The following FHIT variants were observed in gnomAD, a reference collection of about 807,000 sequenced individuals.
FHIT encodes the protein bis(5'-adenosyl)-triphosphatase.
FHIT carries 19 observed loss-of-function variants against 17.9 expected under a neutral mutation model. The observed-to-expected ratio is 1.06, with a 90% CI of 0.74 to 1.56. FHIT has a LOEUF of 1.56. FHIT is among the 40% of genes most tolerant of loss of function. FHIT has a pLI of 0.00. For missense variants in FHIT, 248 were observed against 189.2 expected (o/e 1.31, Z -1.82); for synonymous variants, 81 against 69.7 (o/e 1.16, Z -0.81).
chr3:60,976,277 T>A (rs1710248723), intron 3 of FHIT, among the ~76,000 whole-genome samples: 1 of 151,878 alleles, frequency 6.6e-6, no homozygotes. Context: ...TGGCTAATTT[T>A]TGTATTTTTA....
chr3:61,182,280 C>T (rs940175655), intron 2 of FHIT, among the ~76,000 whole-genome samples: 1 of 152,082 alleles, frequency 6.6e-6, no homozygotes, highest in African/African-American at 2.4e-5. Context: ...CCTACATAAC[C>T]AGATAAAATG....
chr3:60,763,760 T>C (rs1236375733), intron 4 of FHIT, among the ~76,000 whole-genome samples: 1 of 152,216 alleles, frequency 6.6e-6, no homozygotes, highest in Non-Finnish European at 1.5e-5. Flanking sequence ...TCAAGACTCA[T>C]ATTACAAGGC....
intron 5 of FHIT, among the ~76,000 whole-genome samples, chr3:60,410,073 C>A (rs1031858718): frequency 6.6e-6 from 1 of 152,018 alleles, no homozygotes; most frequent in African/African-American, 2.4e-5. Flanking sequence ...CAGGATAATT[C>A]AGAATACTAA....
intron 2 of FHIT, among the ~76,000 whole-genome samples, chr3:61,190,078 A>C (rs987688562): frequency 2.6e-5 from 4 of 152,046 alleles, no homozygotes; most frequent in Non-Finnish European, 4.4e-5. Context: ...GACAAAATTG[A>C]CAAATGGGAT....
chr3:60,235,478 C>A (rs965360763), intron 5 of FHIT, among the ~76,000 whole-genome samples: 23 of 152,242 alleles, frequency 1.5e-4, no homozygotes, highest in African/African-American at 4.8e-4. Flanking sequence ...GATCTGCTGG[C>A]CTCAGCCCCC....
chr3:60,391,265 A>T (rs1701222727), intron 5 of FHIT, among the ~76,000 whole-genome samples: 1 of 152,180 alleles, frequency 6.6e-6, no homozygotes, highest in African/African-American at 2.4e-5. Flanking sequence ...ATTATTGAAG[A>T]AAGAAAAATA....
At chr3:60,793,672 A>G (rs1268465823) in intron 4 of FHIT, among the ~76,000 whole-genome samples, 1 of 152,212 alleles carries the variant, frequency 6.6e-6, no homozygotes, top group African/African-American at 2.4e-5. Flanking sequence ...GAAGTAGAAC[A>G]GGGAAAGGCA....
chr3:59,991,172 G>A (rs1394359893), intron 7 of FHIT, among the ~76,000 whole-genome samples: 2 of 152,046 alleles, frequency 1.3e-5, no homozygotes, highest in Admixed American at 1.3e-4. Context: ...TACTCAGCAG[G>A]TGCTCAGTGA....
intron 3 of FHIT, among the ~76,000 whole-genome samples, chr3:60,871,989 C>T (rs1272388636): frequency 6.6e-6 from 1 of 151,874 alleles, no homozygotes; most frequent in African/African-American, 2.4e-5. Flanking sequence ...AAGGAATATA[C>T]TGAGGAAAAT....
intron 3 of FHIT, among the ~76,000 whole-genome samples, chr3:61,002,682 T>C (rs9870453): frequency 0.022 from 3,414 of 152,150 alleles, 62 homozygotes; most frequent in African/African-American, 0.049. Context: ...AAAGTTTGTT[T>C]CTTTTTTTTT....
At position 60,014,151 on chromosome 3, in the gene FHIT, A is replaced by C. The variant is rs748858421; in HGVS notation, c.105T>G (p.His35Gln). ...CTGGCCGCAGCGGGCACACAAGGAC[A>C]TCTGTAGCAAGGTCTGTTAAGGCCC... ...LVNRKPVVPG[H>Q]VLVCPLRPVE... Residue 35 changes from histidine to glutamine, a missense_variant and splice_region_variant, in exon 6 of 10, where the codon CAT becomes CAG. Transcript: ENST00000492590. 4.3e-6 allele frequency: 7 copies of C among 1,614,006 alleles called. No individual in the cohort carries two copies. In the South Asian group the frequency reaches 7.7e-5, roughly 18 times the overall value.
intron 5 of FHIT, among the ~76,000 whole-genome samples, chr3:60,249,798 G>T (rs986440775): frequency 1.3e-5 from 2 of 151,692 alleles, no homozygotes; most frequent in African/African-American, 4.8e-5. Context: ...ACCTAAGACT[G>T]GGCAATTTAT....
At chr3:59,790,816 T>C (rs1699523915) in intron 8 of FHIT, among the ~76,000 whole-genome samples, 2 of 152,192 alleles carry the variant, frequency 1.3e-5, no homozygotes, top group Non-Finnish European at 2.9e-5. Flanking sequence ...GTCCCAGCAC[T>C]AACATAGTCC....
chr3:60,219,075 A>G (rs1275597440), intron 5 of FHIT, among the ~76,000 whole-genome samples: 1 of 152,066 alleles, frequency 6.6e-6, no homozygotes, highest in African/African-American at 2.4e-5. Context: ...AATAATTTAG[A>G]AGTTAATATT....
chr3:59,824,350 A>C (rs1035521218), intron 8 of FHIT, among the ~76,000 whole-genome samples: 2 of 152,256 alleles, frequency 1.3e-5, no homozygotes, highest in Non-Finnish European at 2.9e-5. Context: ...GAGACCTTGC[A>C]TTGCGTATCT....
At chr3:60,418,445 A>G (rs1253306769) in intron 5 of FHIT, among the ~76,000 whole-genome samples, 2 of 138,166 alleles carry the variant, frequency 1.4e-5, no homozygotes, top group African/African-American at 2.7e-5. Flanking sequence ...CACACACACC[A>G]CAGACGATTA....
At chr3:61,233,408 T>C (rs552338170) in intron 1 of FHIT, among the ~76,000 whole-genome samples, 86 of 152,358 alleles carry the variant, frequency 5.6e-4, no homozygotes, top group African/African-American at 1.9e-3. Context: ...ACATATACCG[T>C]AGAATACTCA....
At chr3:60,626,803 T>TTTTTA (rs1553681106) in intron 4 of FHIT, among the ~76,000 whole-genome samples, 1 of 67,412 alleles carries the variant, frequency 1.5e-5, no homozygotes, top group Non-Finnish European at 3.3e-5. Context: ...TTTTTTTTTT[T>TTTTTA]ACGTTAAGTA....
chr3:60,773,049 A>T lies in FHIT; in HGVS notation c.-18+48870T>A, dbSNP rs578146450. On this transcript the variant is annotated intron_variant, in intron 4 of 9. Coordinates refer to ENST00000492590, the MANE Select transcript of FHIT (RefSeq NM_002012.4). ...TTTGAATAATAACTCCATCTCCGGC[A>T]TGGTGTGGCTAGCCTTCTGTCAACT... is the stretch of plus-strand genomic sequence containing the variant. 2.4e-4 allele frequency among the ~76,000 whole-genome samples: 37 copies of T among 152,280 alleles called. 1 individual carries two copies. In the East Asian group the frequency reaches 5.4e-3, roughly 22 times the overall value.
Sources: allele counts gnomAD v4.1 joint callset (sites outside exome capture counted in the v4.1 genomes callset), GRCh38; gene constraint gnomAD v4.1.1; transcripts MANE v1.5; gene names NCBI Gene and HGNC (gene_info 2026-07-23, HGNC 2026-07-21).